Variants in SLCO1B3 observed in about 807,000 individuals in gnomAD.
SLCO1B3 encodes solute carrier organic anion transporter family member 1B3.
In SLCO1B3, 72 loss-of-function variants were observed where a neutral mutation model predicts 71.8. The observed-to-expected ratio is 1.00, with a 90% CI of 0.83 to 1.22. The LOEUF is 1.22. Among genes scored for constraint, SLCO1B3 ranks in the 50% most tolerant of loss-of-function variants. The pLI is 0.00. For missense variants in SLCO1B3, 911 were observed against 819.7 expected (o/e 1.11, Z -1.36); for synonymous variants, 298 against 278.4 (o/e 1.07, Z -0.70).
At chr12:20,825,774 G>A (rs113580358) in intron 3 of SLCO1B3, among the ~76,000 whole-genome samples, 6,566 of 146,770 alleles carry the variant, frequency 0.045, 171 homozygotes, top group Non-Finnish European at 0.063. Flanking sequence ...ACTCCAGCCT[G>A]GGTGACAGAG....
intron 5 of SLCO1B3, 98 bp from the exon 6 acceptor site, chr12:20,860,919 A>G (rs1240998130): frequency 1.7e-6 from 2 of 1,185,560 alleles, no homozygotes; most frequent in Non-Finnish European, 2.4e-6. Flanking sequence ...TGGAGAAGAC[A>G]GCGGTTCAAA....
At chr12:20,908,765 A>G (rs1000538983) in intron 15 of SLCO1B3, among the ~76,000 whole-genome samples, 2 of 152,180 alleles carry the variant, frequency 1.3e-5, no homozygotes, top group Non-Finnish European at 2.9e-5. Flanking sequence ...TCAATACACC[A>G]TAGTTTATAC....
chr12:20,855,074 G>GTGGAA lies in SLCO1B3; in HGVS notation c.133_137dup (p.Ile46MetfsTer5). Reference sequence around the variant, plus strand: ...TTCAGCTATATTGCTAAAGCACTAGGTGGAATCATTATGAAAATTTCCATC... The same window carrying GTGGAA: ...TTCAGCTATATTGCTAAAGCACTAGGTGGAATGGAATCATTATGAAAATTTCCATC... On this transcript the variant is annotated frameshift_variant, in exon 4 of 16. Coordinates refer to ENST00000381545, the MANE Select transcript of SLCO1B3 (RefSeq NM_019844.4). LOFTEE classifies it high-confidence loss of function. 1 of 1,611,994 alleles carries GTGGAA rather than the reference G, an allele frequency of 6.2e-7. No homozygotes were observed. Among genetic ancestry groups the GTGGAA allele is most frequent in the Non-Finnish European group, 8.5e-7 (1 of 1,179,308 alleles).
intron 13 of SLCO1B3, among the ~76,000 whole-genome samples, chr12:20,895,034 C>A (rs1288699630): frequency 6.6e-6 from 1 of 152,148 alleles, no homozygotes; most frequent in Non-Finnish European, 1.5e-5. Context: ...AGCAATCAAA[C>A]CTCATGAGAC....
intron 3 of SLCO1B3, among the ~76,000 whole-genome samples, chr12:20,830,740 AGTTT>A (rs1565580718): frequency 2.0e-5 from 3 of 152,148 alleles, no homozygotes; most frequent in Non-Finnish European, 2.9e-5. Context: ...GGGAACATAG[AGTTT>A]GTTTGTTTTC....
At chr12:20,836,109 C>G (rs575043759) in intron 3 of SLCO1B3, among the ~76,000 whole-genome samples, 1 of 152,270 alleles carries the variant, frequency 6.6e-6, no homozygotes, top group African/African-American at 2.4e-5. Flanking sequence ...GACTTATTCA[C>G]TATCACAAGA....
intron 13 of SLCO1B3, among the ~76,000 whole-genome samples, chr12:20,896,672 G>C (rs1204985070): frequency 6.6e-6 from 1 of 152,030 alleles, no homozygotes; most frequent in African/African-American, 2.4e-5. Context: ...CCTCCAAACT[G>C]TTCCAACCTC....
At chr12:20,843,832 A>G (rs1330118530) in intron 3 of SLCO1B3, among the ~76,000 whole-genome samples, 1 of 151,394 alleles carries the variant, frequency 6.6e-6, no homozygotes, top group Non-Finnish European at 1.5e-5. Context: ...CTTACTGTTT[A>G]AAATTGATAT....
At chr12:20,848,853 A>G (rs555977383) in intron 3 of SLCO1B3, among the ~76,000 whole-genome samples, 1 of 152,276 alleles carries the variant, frequency 6.6e-6, no homozygotes, top group Non-Finnish European at 1.5e-5. Flanking sequence ...AGAAAGAAAC[A>G]GTGCAGAGGA....
chr12:20,882,349 A>G (rs1326272311), intron 12 of SLCO1B3, among the ~76,000 whole-genome samples: 2 of 152,112 alleles, frequency 1.3e-5, no homozygotes, highest in East Asian at 3.9e-4. Context: ...ATTCCTATTG[A>G]AAAAAAATAA....
chr12:20,875,341 C>A lies in SLCO1B3; in HGVS notation c.834C>A (p.Phe278Leu). ...FSIISSIPFF[F>L]LPKNPNKPQK... ...TTATTTCTTCCATACCATTTTTTTT[C>A]TTGCCGAAAAATCCAAATAAACCAC... Residue 278 changes from phenylalanine to leucine, a missense_variant, in exon 9 of 16, where the codon TTC becomes TTA. Coordinates refer to ENST00000381545, the MANE Select transcript of SLCO1B3 (RefSeq NM_019844.4). 6.2e-7 allele frequency: 1 copy of A among 1,610,942 alleles called. No individual in the cohort carries two copies. The highest frequency in any genetic ancestry group is 8.5e-7 in the Non-Finnish European group (1 of 1,178,894).
intron 3 of SLCO1B3, among the ~76,000 whole-genome samples, chr12:20,845,792 T>C (rs1219391210): frequency 6.6e-6 from 1 of 152,198 alleles, no homozygotes; most frequent in Non-Finnish European, 1.5e-5. Context: ...CTCTAGATCA[T>C]CTGTCTAGTG....
At chr12:20,833,514 T>A (rs1864589509) in intron 3 of SLCO1B3, among the ~76,000 whole-genome samples, 1 of 148,584 alleles carries the variant, frequency 6.7e-6, no homozygotes, top group South Asian at 2.1e-4. Flanking sequence ...TTACTATGTA[T>A]GTATATACAT....
intron 13 of SLCO1B3, 42 bp from the exon 14 acceptor site, chr12:20,898,394 T>C: frequency 1.5e-6 from 2 of 1,292,460 alleles, no homozygotes. Context: ...AGTTTGATTT[T>C]TTAATGACAT....
chr12:20,888,594 T>C (rs1404720574), intron 13 of SLCO1B3, among the ~76,000 whole-genome samples: 2 of 151,720 alleles, frequency 1.3e-5, no homozygotes, highest in Non-Finnish European at 2.9e-5. Context: ...TTCAGAGGAG[T>C]TTTTAGGGTT....
intron 13 of SLCO1B3, among the ~76,000 whole-genome samples, chr12:20,895,030 C>G (rs565595325): frequency 6.6e-6 from 1 of 152,274 alleles, no homozygotes; most frequent in East Asian, 1.9e-4. Context: ...ATAAAGCAAT[C>G]AAACCTCATG....
At chr12:20,814,976 C>CTTTT (rs1297703814) in intron 2 of SLCO1B3, among the ~76,000 whole-genome samples, 1,221 of 116,282 alleles carry the variant, frequency 0.011, 10 homozygotes, top group East Asian at 0.03. Context: ...CTTTTCTTTT[C>CTTTT]TTTTCTTTTT....
At chr12:20,818,101 A>T (rs1352169754) in intron 3 of SLCO1B3, among the ~76,000 whole-genome samples, 1 of 152,134 alleles carries the variant, frequency 6.6e-6, no homozygotes, top group African/African-American at 2.4e-5. Flanking sequence ...TGGTGTCTGG[A>T]ATGAGACTGG....
intron 3 of SLCO1B3, among the ~76,000 whole-genome samples, chr12:20,817,892 CTG>C (rs778486683): frequency 9.9e-5 from 15 of 152,048 alleles, no homozygotes; most frequent in Non-Finnish European, 5.9e-5. Context: ...CCTGGCCACT[CTG>C]TAGTCACTCT....
Sources: gnomAD v4.1 joint callset for allele counts (sites outside exome capture counted in the v4.1 genomes callset) on GRCh38, gnomAD v4.1.1 for gene constraint, MANE v1.5 for transcripts, NCBI Gene and HGNC (gene_info 2026-07-23, HGNC 2026-07-21) for gene names.